The following CAMTA1 variants were observed in gnomAD, a reference collection of about 807,000 sequenced individuals.
The protein encoded by CAMTA1 is calmodulin binding transcription activator 1, also known as calmodulin-binding transcription activator 1.
CAMTA1 carries 27 observed loss-of-function variants against 170.9 expected under a neutral mutation model. That is an observed-to-expected ratio of 0.16 (90% confidence interval 0.12 to 0.22). The LOEUF (loss-of-function observed/expected upper bound fraction) is 0.22, where lower values mean the gene tolerates loss of function less well. Among genes scored for constraint, CAMTA1 ranks in the 10% least tolerant of loss-of-function variants. The probability of loss-of-function intolerance (pLI) is 1.00; values close to 1 mark genes in which losing one functional copy is unlikely to be tolerated. For missense variants in CAMTA1, 1,619 were observed against 2,217.2 expected (o/e 0.73, Z 5.42); for synonymous variants, 833 against 891.5 (o/e 0.93, Z 1.17).
rs1645185664 is a variant in CAMTA1, at chr1:6,811,722, AAATTCACTT to A, written c.46-8458_46-8450del. Among the ~76,000 whole-genome samples the A allele has an allele frequency of 2.0e-5, 3 of 152,316 alleles. No homozygotes were observed. The South Asian group carries it at 6.2e-4, about 32-fold the overall frequency. ...TAAGCTTTTGTGCATGGACTTCGTA[AAATTCACTT>A]TTGGCCTTCAGAGTGTTCTTGGCTT... On this transcript the variant is annotated intron_variant, in intron 1 of 22. Coordinates refer to ENST00000303635, the MANE Select transcript of CAMTA1 (RefSeq NM_015215.4).
intron 6 of CAMTA1, among the ~76,000 whole-genome samples, chr1:7,480,253 A>C (rs986027698): frequency 1.4e-5 from 1 of 69,236 alleles, no homozygotes; most frequent in Admixed American, 1.3e-4. Context: ...GTGTGTGTGC[A>C]TGTGTGTATG....
intron 4 of CAMTA1, among the ~76,000 whole-genome samples, chr1:7,108,794 T>G (rs1643852199): frequency 6.6e-6 from 1 of 152,250 alleles, no homozygotes; most frequent in Non-Finnish European, 1.5e-5. Context: ...CTTAGTGGCT[T>G]AAAATAACAC....
intron 4 of CAMTA1, among the ~76,000 whole-genome samples, chr1:7,217,054 C>T (rs903018142): frequency 6.6e-5 from 10 of 152,092 alleles, no homozygotes; most frequent in Non-Finnish European, 8.8e-5. Flanking sequence ...TGATATGGTT[C>T]GGCTCTGTGT....
chr1:7,654,043 C>T (rs886605121), intron 7 of CAMTA1, among the ~76,000 whole-genome samples: 4 of 152,020 alleles, frequency 2.6e-5, no homozygotes, highest in Non-Finnish European at 5.9e-5. Context: ...GAGCCAGAGG[C>T]GGGGGCTTGA....
chr1:7,675,175 G>A lies in CAMTA1; in HGVS notation c.2780-2424G>A, dbSNP rs112799424. ...CATCCAGGCCAGGTAGAGGGTAGGG[G>A]AAGTGCAAAGGCCCTGGGGCAGAAA... On this transcript the variant is annotated intron_variant, in intron 10 of 22. Coordinates refer to ENST00000303635, the MANE Select transcript of CAMTA1 (RefSeq NM_015215.4). Among the ~76,000 whole-genome samples the A allele has an allele frequency of 3.9e-3, 600 of 152,308 alleles. 3 individuals carry two copies. The highest frequency in any genetic ancestry group is 6.7e-3 in the Non-Finnish European group (453 of 68,028).
chr1:7,192,451 G>A (rs1330332885), intron 4 of CAMTA1, among the ~76,000 whole-genome samples: 2 of 152,234 alleles, frequency 1.3e-5, no homozygotes, highest in Non-Finnish European at 2.9e-5. Flanking sequence ...GACTGAGGCC[G>A]GATAGCCCAG....
rs376836049 is a variant in CAMTA1 at position 7,300,117 on chromosome 1, TA to T, written c.438+50500del. Reference sequence around the variant, plus strand: ...TAATTTGAATTTGAGATAGCATTCTTAAAAAAAAATTCCCTTCGCAATAAAG... The same window carrying T: ...TAATTTGAATTTGAGATAGCATTCTTAAAAAAAATTCCCTTCGCAATAAAG... On this transcript the variant is annotated intron_variant, in intron 5 of 22. Transcript: ENST00000303635. The surrounding 1 kb of genome is among the most constrained non-coding windows in gnomAD (Gnocchi z 4.1). Among the ~76,000 whole-genome samples, 678 of 151,862 alleles carry T rather than the reference TA, an allele frequency of 4.5e-3. 8 individuals carry two copies. The highest frequency in any genetic ancestry group is 0.024 in the Admixed American group (367 of 15,262).
In CAMTA1 at chr1:7,119,923, T is replaced by C. The variant is rs538042191; in HGVS notation, c.302+28552T>C. Among the ~76,000 whole-genome samples the C allele has an allele frequency of 5.9e-5, 9 of 152,290 alleles. No individual in the cohort carries two copies. The South Asian group carries it at 1.9e-3, about 32-fold the overall frequency. On this transcript the variant is annotated intron_variant, in intron 4 of 22. Transcript: ENST00000303635. ...GTTAGTTTGTCACCATGGATACCTG[T>C]GGGCCAAGTTAGGGCTGAACTCCCC... is the stretch of plus-strand genomic sequence containing the variant.
intron 5 of CAMTA1, among the ~76,000 whole-genome samples, chr1:7,314,202 G>T (rs1225961237): frequency 1.3e-5 from 2 of 152,174 alleles, no homozygotes; most frequent in African/African-American, 2.4e-5. Context: ...CCTGGAATCT[G>T]TTCCTCTCTA....
intron 6 of CAMTA1, among the ~76,000 whole-genome samples, chr1:7,497,795 G>A (rs1487704791): frequency 1.3e-5 from 2 of 152,204 alleles, no homozygotes; most frequent in Non-Finnish European, 2.9e-5. Flanking sequence ...TAGTAAGGGG[G>A]GCAGCGCTAG....
intron 3 of CAMTA1, among the ~76,000 whole-genome samples, chr1:6,879,113 A>G (rs886672589): frequency 6.6e-6 from 1 of 152,208 alleles, no homozygotes; most frequent in South Asian, 2.1e-4. Context: ...AAAAGAGTCC[A>G]TGTTATACCG....
intron 6 of CAMTA1, among the ~76,000 whole-genome samples, chr1:7,639,906 G>A (rs1028770889): frequency 2.0e-5 from 3 of 152,188 alleles, no homozygotes; most frequent in Non-Finnish European, 4.4e-5. Context: ...GGGGAGAAGC[G>A]GGTGACCATG....
intron 3 of CAMTA1, among the ~76,000 whole-genome samples, chr1:7,013,853 C>T (rs1553217461): frequency 6.6e-6 from 1 of 152,216 alleles, no homozygotes; most frequent in Non-Finnish European, 1.5e-5. Flanking sequence ...CTCAAACTAT[C>T]CCATAATGCT....
At chr1:7,716,513 A>G (rs1007437519) in intron 11 of CAMTA1, among the ~76,000 whole-genome samples, 13 of 152,206 alleles carry the variant, frequency 8.5e-5, no homozygotes, top group South Asian at 2.1e-4. Context: ...TAGCACTATG[A>G]AAAACATTAT....
chr1:7,196,237 C>T (rs1172939383), intron 4 of CAMTA1, among the ~76,000 whole-genome samples: 3 of 152,118 alleles, frequency 2.0e-5, no homozygotes, highest in Non-Finnish European at 2.9e-5. Context: ...CCTGGTAAGA[C>T]GTGCTTGCTT....
intron 7 of CAMTA1, among the ~76,000 whole-genome samples, chr1:7,646,147 G>A (rs563846361): frequency 6.6e-6 from 1 of 151,568 alleles, no homozygotes; most frequent in African/African-American, 2.4e-5. Flanking sequence ...GAGGTGGATG[G>A]AGGCCCTGGT....
intron 3 of CAMTA1, among the ~76,000 whole-genome samples, chr1:6,855,365 C>T (rs369731123): frequency 2.6e-5 from 4 of 151,518 alleles, no homozygotes; most frequent in East Asian, 3.9e-4. Flanking sequence ...AGCATGGTGC[C>T]GGCATCTGCT....
At chr1:7,227,008 T>C (rs1004933853) in intron 4 of CAMTA1, among the ~76,000 whole-genome samples, 1 of 151,832 alleles carries the variant, frequency 6.6e-6, no homozygotes, top group Non-Finnish European at 1.5e-5. Context: ...AATTTTTTTG[T>C]ATTTTTAGTA....
Position 7,675,854 on chromosome 1 carries a change from T to C in CAMTA1, c.2780-1745T>C, listed in dbSNP as rs192730691. On this transcript the variant is annotated intron_variant, in intron 10 of 22. Coordinates refer to ENST00000303635, the MANE Select transcript of CAMTA1 (RefSeq NM_015215.4). The stretch of plus-strand genomic sequence containing the variant: ...AACTGCAGGAGCAGGGCTGCTGGGC[T>C]GGGACCCCGGAGACCACAGTAGGTC... Among the ~76,000 whole-genome samples the C allele has an allele frequency of 2.4e-3, 361 of 152,254 alleles. 2 individuals carry two copies. The highest frequency in any genetic ancestry group is 8.3e-3 in the African/African-American group (346 of 41,552).
Sources: gnomAD v4.1 joint callset for allele counts (sites outside exome capture counted in the v4.1 genomes callset) on GRCh38, gnomAD v4.1.1 for gene constraint, Gnocchi (gnomAD v3.1) non-coding constraint, MANE v1.5 for transcripts, NCBI Gene and HGNC (gene_info 2026-07-23, HGNC 2026-07-21) for gene names.